RETREG1: variants seen among roughly 807,000 people sequenced by gnomAD.
The protein encoded by RETREG1 is family with sequence similarity 134 member B.
Under a neutral mutation model 54.8 loss-of-function variants are expected in RETREG1, and 44 were observed. The observed-to-expected ratio is 0.80, with a 90% CI of 0.63 to 1.03. RETREG1 has a LOEUF of 1.03. Ranked by LOEUF, RETREG1 falls within the 50% of genes least tolerant of loss-of-function variation. RETREG1 has a pLI of 0.00. For missense variants in RETREG1, 554 were observed against 605.1 expected, an observed-to-expected ratio of 0.92 and a Z score of 0.89; for synonymous variants, 217 against 238.5, an observed-to-expected ratio of 0.91 and a Z score of 0.83.
intron 4 of RETREG1, chr5:16,483,122 T>C (rs1214826884): frequency 9.4e-6 from 5 of 529,888 alleles, no homozygotes; most frequent in African/African-American, 1.9e-5. Context: ...GATAAATATA[T>C]ATAAAATGTA....
At chr5:16,596,368 A>G (rs1451343912) in intron 1 of RETREG1, among the ~76,000 whole-genome samples, 1 of 152,192 alleles carries the variant, frequency 6.6e-6, no homozygotes, top group Admixed American at 6.5e-5. Flanking sequence ...CCAGAGGCAC[A>G]TTTCTTTCCC....
At chr5:16,566,023 C>T (rs1741998598) in intron 2 of RETREG1, among the ~76,000 whole-genome samples, 1 of 152,112 alleles carries the variant, frequency 6.6e-6, no homozygotes, top group African/African-American at 2.4e-5. Context: ...GGGTGAGTAC[C>T]GTGGGAGATA....
chr5:16,568,274 CTTT>C (rs70940379), intron 2 of RETREG1, among the ~76,000 whole-genome samples: 12 of 141,736 alleles, frequency 8.5e-5, no homozygotes, highest in Admixed American at 1.4e-4. Flanking sequence ...ATATCACTGA[CTTT>C]TTTTTTTTTT....
At chr5:16,556,281 C>G (rs1407883480) in intron 3 of RETREG1, among the ~76,000 whole-genome samples, 1 of 151,980 alleles carries the variant, frequency 6.6e-6, no homozygotes, top group Non-Finnish European at 1.5e-5. Flanking sequence ...GCCTCAGCCT[C>G]CGGAGCTGGG....
rs373650071 is a variant in RETREG1, at chr5:16,511,556, A to G, written c.459-28084T>C. ...TTTTAGCGCCCTGTCATGCATGTTA[A>G]AATTGCTTGTTCCAACCATGGAGTC... On this transcript the variant is annotated intron_variant, in intron 3 of 8. Coordinates refer to ENST00000306320, the MANE Select transcript of RETREG1 (RefSeq NM_001034850.3). Among the ~76,000 whole-genome samples the G allele has an allele frequency of 1.2e-4, 18 of 152,304 alleles. 1 individual carries two copies. Among genetic ancestry groups the G allele is most frequent in the African/African-American group, 3.9e-4 (16 of 41,554 alleles).
rs188171972 is a variant in RETREG1 at position 16,609,666 on chromosome 5, C to T, written c.320+6986G>A. ...AGGATCTGCAAACGAGACAGGACAG[C>T]GGTGAGTGGAAGGGCCCAGGATTTC... On this transcript the variant is annotated intron_variant, in intron 1 of 8. Transcript: ENST00000306320. Among the ~76,000 whole-genome samples the T allele has an allele frequency of 5.7e-4, 87 of 152,116 alleles. 1 individual carries two copies. The highest frequency in any genetic ancestry group is 1.7e-3 in the African/African-American group (69 of 41,522).
At chr5:16,498,658 G>C (rs1739568928) in intron 3 of RETREG1, among the ~76,000 whole-genome samples, 1 of 152,204 alleles carries the variant, frequency 6.6e-6, no homozygotes, top group South Asian at 2.1e-4. Context: ...GCTGCAGTGA[G>C]CCAAGATCGT....
At chr5:16,495,633 C>A (rs1447301889) in intron 3 of RETREG1, among the ~76,000 whole-genome samples, 1 of 152,108 alleles carries the variant, frequency 6.6e-6, no homozygotes, top group East Asian at 1.9e-4. Context: ...AACCCCACCC[C>A]TACTAAAAAT....
Position 16,545,845 on chromosome 5 carries a change from A to G in RETREG1, c.458+19918T>C, listed in dbSNP as rs147314438. On this transcript the variant is annotated intron_variant, in intron 3 of 8. Transcript: ENST00000306320. Reference sequence around the variant, plus strand: ...CAGAAGCTTCCTCAGAAAGAAGGGTAAATTAGCTCTTCAGAGCCACCGTTC... The same window carrying G: ...CAGAAGCTTCCTCAGAAAGAAGGGTGAATTAGCTCTTCAGAGCCACCGTTC... Among the ~76,000 whole-genome samples, 402 of 152,326 alleles carry G rather than the reference A, an allele frequency of 2.6e-3. 2 individuals are homozygous for G. Among genetic ancestry groups the G allele is most frequent in the African/African-American group, 9.1e-3 (377 of 41,576 alleles).
intron 3 of RETREG1, among the ~76,000 whole-genome samples, chr5:16,508,371 C>T (rs1053086724): frequency 3.9e-5 from 6 of 152,140 alleles, no homozygotes; most frequent in Non-Finnish European, 8.8e-5. Context: ...CACTTATTGG[C>T]ATAAGTTTTT....
rs190084506 is a variant in RETREG1 at position 16,475,167 on chromosome 5, G to A, written c.1068C>T (p.Gly356=). The A allele has an allele frequency of 4.0e-5, 65 of 1,613,732 alleles. No individual in the cohort carries two copies. In the East Asian group the frequency reaches 1.4e-3, roughly 34 times the overall value. Residue 356 remains glycine (G), a synonymous_variant, in exon 9 of 9, where the codon GGC becomes GGT. Coordinates refer to ENST00000306320, the MANE Select transcript of RETREG1 (RefSeq NM_001034850.3). ...DLSDFPSLEN[G]MGTNDEDELS... ...ATTCATCTTCATCATTTGTTCCCAT[G>A]CCATTTTCTAGAGATGGAAAATCTG...
intron 3 of RETREG1, among the ~76,000 whole-genome samples, chr5:16,538,512 C>T (rs759099930): frequency 5.3e-5 from 8 of 152,102 alleles, no homozygotes; most frequent in South Asian, 2.1e-4. Context: ...AAGCTCTGCA[C>T]GATACTTCTA....
At chr5:16,538,703 C>CTT (rs879370720) in intron 3 of RETREG1, among the ~76,000 whole-genome samples, 2,070 of 143,352 alleles carry the variant, frequency 0.014, 40 homozygotes, top group African/African-American at 0.049. Context: ...TTCTTTCATT[C>CTT]TTTTTTTTTT....
chr5:16,536,971 CAG>C (rs1178542438), intron 3 of RETREG1, among the ~76,000 whole-genome samples: 4 of 152,282 alleles, frequency 2.6e-5, no homozygotes, highest in African/African-American at 4.8e-5. Context: ...CTCCCATCGT[CAG>C]AGAGTTCACA....
At chr5:16,543,062 A>G (rs556850090) in intron 3 of RETREG1, among the ~76,000 whole-genome samples, 36 of 152,292 alleles carry the variant, frequency 2.4e-4, no homozygotes, top group Non-Finnish European at 4.7e-4. Flanking sequence ...CACTTTTAGA[A>G]TTTCATACAA....
At chr5:16,511,258 A>T (rs1295883245) in intron 3 of RETREG1, among the ~76,000 whole-genome samples, 1 of 152,144 alleles carries the variant, frequency 6.6e-6, no homozygotes, top group Non-Finnish European at 1.5e-5. Context: ...TCTCTTATGA[A>T]GCTGGGCAGC....
In RETREG1 at chr5:16,536,090, TCA is replaced by T. The variant is rs577413191; in HGVS notation, c.458+29671_458+29672del. 3.2e-3 allele frequency among the ~76,000 whole-genome samples: 487 copies of T among 152,296 alleles called. 2 individuals carry two copies. Among genetic ancestry groups the T allele is most frequent in the Middle Eastern group, 0.01 (3 of 294 alleles). ...TGACATGCACCTGCCTGATCTAATC[TCA>T]CACAGTAACAGAGAAAGCAAGAGTC... is the stretch of plus-strand genomic sequence containing the variant. On this transcript the variant is annotated intron_variant, in intron 3 of 8. Transcript: ENST00000306320.
rs1266055669 is a variant in RETREG1, at chr5:16,593,221, TC to T, written c.321-21120del. Among the ~76,000 whole-genome samples, 5 of 152,014 alleles carry T rather than the reference TC, an allele frequency of 3.3e-5. No homozygotes were observed. Among genetic ancestry groups the T allele is most frequent in the Admixed American group, 2.6e-4 (4 of 15,256 alleles). Reference sequence around the variant, plus strand: ...CTGTTAAATTAGGTCACCCCACTGCTCCCCCGGAGTGATGTGTTTTCCTTTC... The same window carrying T: ...CTGTTAAATTAGGTCACCCCACTGCTCCCCGGAGTGATGTGTTTTCCTTTC... On this transcript the variant is annotated intron_variant, in intron 1 of 8. Coordinates refer to ENST00000306320, the MANE Select transcript of RETREG1 (RefSeq NM_001034850.3). This position sits in a 1 kb window ranked among gnomAD's most constrained non-coding sequence, Gnocchi z 4.9.
rs558019051 is a variant in RETREG1 at position 16,493,749 on chromosome 5, T to C, written c.459-10277A>G. On this transcript the variant is annotated intron_variant, in intron 3 of 8. Coordinates refer to ENST00000306320, the MANE Select transcript of RETREG1 (RefSeq NM_001034850.3). ...CTGTGAGGATACTAAAAAATATGTT[T>C]CCTACAGCACAAAAAAAAAAGTCAT... Among the ~76,000 whole-genome samples, 8 of 152,152 alleles carry C rather than the reference T, an allele frequency of 5.3e-5. 1 individual carries two copies. The South Asian group carries it at 1.7e-3, about 32-fold the overall frequency.
Sources: gnomAD v4.1 joint callset for allele counts (sites outside exome capture counted in the v4.1 genomes callset) on GRCh38, gnomAD v4.1.1 for gene constraint, Gnocchi (gnomAD v3.1) non-coding constraint, MANE v1.5 for transcripts, NCBI Gene and HGNC (gene_info 2026-07-23, HGNC 2026-07-21) for gene names.